Variants in ACOT2 observed in about 807,000 individuals in gnomAD.
ACOT2 encodes acyl-coenzyme A thioesterase 2, mitochondrial.
A neutral mutation model predicts 20.1 loss-of-function variants in ACOT2; 15 were observed. The ratio of observed to expected loss-of-function variants is 0.75; its 90% CI spans 0.50 to 1.15. The LOEUF is 1.15. Ranked by LOEUF, ACOT2 falls within the 50% of genes most tolerant of loss-of-function variation. The pLI is 0.00. For missense variants in ACOT2, 479 were observed against 615.3 expected (o/e 0.78, Z 2.34); for synonymous variants, 252 against 268.4 (o/e 0.94, Z 0.60).
At chr14:73,569,970 G>GCCC (rs34765603) in intron 1 of ACOT2, 87 bp downstream of exon 1, 10 of 1,458,738 alleles carry the variant, frequency 6.9e-6, no homozygotes, top group Non-Finnish European at 9.0e-6. Flanking sequence ...TTATGTGTAT[G>GCCC]CCCCCCCGCC....
At chr14:73,569,012 A>T (rs1413004976), upstream of ACOT2, 3 of 560,682 alleles carry the variant, frequency 5.4e-6, no homozygotes. Context: ...TGGTTCTTTA[A>T]GAACCAGCCC....
intron 1 of ACOT2, among the ~76,000 whole-genome samples, chr14:73,570,213 ATT>A (rs1889696904): frequency 6.6e-6 from 1 of 151,392 alleles, no homozygotes; most frequent in African/African-American, 2.4e-5. Context: ...TGGAAAGCTG[ATT>A]GGGGAAGTGT....
intron 1 of ACOT2, among the ~76,000 whole-genome samples, chr14:73,572,637 G>T (rs1889781326): frequency 1.6e-5 from 1 of 62,022 alleles, no homozygotes; most frequent in Non-Finnish European, 2.7e-5. Flanking sequence ...TAAGGTGTTT[G>T]CATTTTTTTT....
chr14:73,574,791 A>G, intron 2 of ACOT2, 117 bp from the exon 3 acceptor site: 1 of 1,552,922 alleles, frequency 6.4e-7, no homozygotes, highest in Non-Finnish European at 8.8e-7. Flanking sequence ...AAATCTGGGT[A>G]AATGGTAGAA....
chr14:73,573,374 T>C lies in ACOT2; in HGVS notation c.644-14T>C, dbSNP rs751966620. The C allele has an allele frequency of 6.2e-6, 10 of 1,613,496 alleles. No homozygotes were observed. The Admixed American group carries it at 1.7e-4, about 27-fold the overall frequency. On this transcript the variant is annotated splice_polypyrimidine_tract_variant and intron_variant, in intron 1 of 2. Coordinates refer to ENST00000238651, the MANE Select transcript of ACOT2 (RefSeq NM_006821.6). The stretch of plus-strand genomic sequence containing the variant: ...AATAGCTTAGTTTTGCATTTTGTTT[T>C]GTTTCTTCCCAAGAACCTGGGCCCT...
chr14:73,572,074 C>T lies in ACOT2; in HGVS notation c.644-1314C>T, dbSNP rs975369262. Among the ~76,000 whole-genome samples, 4 of 149,606 alleles carry T rather than the reference C, an allele frequency of 2.7e-5. No homozygotes were observed. The South Asian group carries it at 8.6e-4, about 32-fold the overall frequency. On this transcript the variant is annotated intron_variant, in intron 1 of 2. Transcript: ENST00000238651. Reference sequence around the variant, plus strand: ...TGAAACTCACTGCTAGAAGGAGCAACATATTCATCTGCTCTGGGCAACAAT... The same window carrying T: ...TGAAACTCACTGCTAGAAGGAGCAATATATTCATCTGCTCTGGGCAACAAT...
intron 1 of ACOT2, chr14:73,571,798 A>T (rs1161788921): frequency 1.5e-4 from 23 of 152,222 alleles, no homozygotes; most frequent in African/African-American, 5.5e-4. Flanking sequence ...GAATTCGCAC[A>T]GTATGTTAAG....
rs1453851106 is a variant in ACOT2 at position 73,572,186 on chromosome 14, G to C, written c.644-1202G>C. On this transcript the variant is annotated intron_variant, in intron 1 of 2. Coordinates refer to ENST00000238651, the MANE Select transcript of ACOT2 (RefSeq NM_006821.6). ...TTCCTTATAAGAGGCCAGATGAGCA[G>C]TCTGGATTAATTTAAAAAAAGAGCA... 1.2e-4 allele frequency among the ~76,000 whole-genome samples: 5 copies of C among 40,484 alleles called. 1 individual carries two copies. The South Asian group carries it at 2.3e-3, about 19-fold the overall frequency. 26.6% of individuals were successfully genotyped at this position (40,484 alleles called of 152,430 possible). A position where few individuals can be genotyped will look rare whatever the true frequency, so the allele number is the denominator to read the frequency against.
intron 1 of ACOT2, among the ~76,000 whole-genome samples, chr14:73,572,309 A>G (rs185981987): frequency 1.2e-3 from 182 of 151,730 alleles, no homozygotes; most frequent in Non-Finnish European, 2.0e-3. Flanking sequence ...CTACAGCTAC[A>G]AGAATCAACA....
At chr14:73,570,793 T>C (rs2031501210) in intron 1 of ACOT2, among the ~76,000 whole-genome samples, 2 of 149,642 alleles carry the variant, frequency 1.3e-5, no homozygotes, top group South Asian at 2.1e-4. Context: ...TAGTCCCAAC[T>C]ACTTAGGAGG....
rs758563934 is a variant in ACOT2 at position 73,569,234 on chromosome 14, C to A, written c.-7C>A. On this transcript the variant is annotated 5_prime_UTR_variant, in exon 1 of 3. Coordinates refer to ENST00000238651, the MANE Select transcript of ACOT2 (RefSeq NM_006821.6). ...GGGCGCTTAGCCTGCGACGGCAGCC[C>A]GAGAGGATGTCTAACAAGCTTCTTT... The A allele has an allele frequency of 3.4e-5, 55 of 1,612,778 alleles. No individual in the cohort carries two copies. Among genetic ancestry groups the A allele is most frequent in the Admixed American group, 2.3e-4 (14 of 59,968 alleles).
intron 2 of ACOT2, among the ~76,000 whole-genome samples, 199 bp downstream of exon 2, chr14:73,573,789 C>T (rs575310988): frequency 6.6e-5 from 10 of 151,848 alleles, no homozygotes; most frequent in South Asian, 6.3e-4. Flanking sequence ...TCCAGTGGTG[C>T]GATCTTGGCT....
chr14:73,569,891 A>G lies in ACOT2; in HGVS notation c.643+8A>G, dbSNP rs1194364948. The G allele has an allele frequency of 1.9e-6, 3 of 1,599,302 alleles. No homozygotes were observed. In the South Asian group the frequency reaches 3.4e-5, roughly 18 times the overall value. On this transcript the variant is annotated splice_region_variant and intron_variant, in intron 1 of 2. Transcript: ENST00000238651. ...CGCTCTTCCTGCCGCCAGGTGACTCACCTCCGCTAATTGTTCCGTGTTCGT... is the reference window on the plus strand; with the variant it reads ...CGCTCTTCCTGCCGCCAGGTGACTCGCCTCCGCTAATTGTTCCGTGTTCGT...
At chr14:73,572,544 A>T (rs1889777430) in intron 1 of ACOT2, among the ~76,000 whole-genome samples, 1 of 150,966 alleles carries the variant, frequency 6.6e-6, no homozygotes, top group Non-Finnish European at 1.5e-5. Context: ...GATACTGGAA[A>T]GAGAGGAAAG....
In ACOT2 at chr14:73,569,977, C is replaced by G. The variant is rs566520825; in HGVS notation, c.643+94C>G. 9.2e-5 allele frequency: 134 copies of G among 1,459,314 alleles called. No individual in the cohort carries two copies. In the East Asian group the frequency reaches 2.9e-3, roughly 31 times the overall value. 90.4% of individuals were successfully genotyped at this position (1,459,314 alleles called of 1,614,324 possible). A position where few individuals can be genotyped will look rare whatever the true frequency, so the allele number is the denominator to read the frequency against. Reference sequence around the variant, plus strand: ...CTTTTCGCTTATGTGTATGCCCCCCCGCCGCGCCCCCGGGCTATATTGCCC... The same window carrying G: ...CTTTTCGCTTATGTGTATGCCCCCCGGCCGCGCCCCCGGGCTATATTGCCC... On this transcript the variant is annotated intron_variant, in intron 1 of 2. Coordinates refer to ENST00000238651, the MANE Select transcript of ACOT2 (RefSeq NM_006821.6).
In ACOT2 at chr14:73,575,000, TGTC is replaced by T. The variant is rs2140337069; in HGVS notation, c.943_945del (p.Val315del). The T allele has an allele frequency of 1.2e-6, 2 of 1,601,104 alleles. No homozygotes were observed. Among genetic ancestry groups the T allele is most frequent in the Non-Finnish European group, 8.5e-7 (1 of 1,171,340 alleles). ...CTTTCCTGAAGGGCATCACGGCTGC[TGTC>T]GTCATCAACGGCTCTGTGGCCAATG... On this transcript the variant is annotated inframe_deletion, in exon 3 of 3. Coordinates refer to ENST00000238651, the MANE Select transcript of ACOT2 (RefSeq NM_006821.6).
chr14:73,569,158 G>C, upstream of ACOT2: 3 of 1,522,208 alleles, frequency 2.0e-6, no homozygotes, highest in Non-Finnish European at 2.7e-6. Flanking sequence ...CTGGCTGATC[G>C]GCTGGACTCT....
At chr14:73,573,955 G>C (rs1197828958) in intron 2 of ACOT2, among the ~76,000 whole-genome samples, 1 of 151,960 alleles carries the variant, frequency 6.6e-6, no homozygotes, top group African/African-American at 2.4e-5. Flanking sequence ...TTGAACTCCT[G>C]ACCTCAAATG....
At chr14:73,567,816 C>G (rs868674579), upstream of ACOT2, 1 of 152,072 alleles carries the variant, frequency 6.6e-6, no homozygotes. Flanking sequence ...GACCTGCTGC[C>G]TTTATGAGCT....
Sources: gnomAD v4.1 joint callset for allele counts (sites outside exome capture counted in the v4.1 genomes callset) on GRCh38, gnomAD v4.1.1 for gene constraint, MANE v1.5 for transcripts, NCBI Gene and HGNC (gene_info 2026-07-23, HGNC 2026-07-21) for gene names.